The following BANK1 variants were observed in gnomAD, a reference collection of about 807,000 sequenced individuals.
BANK1 encodes the protein B-cell scaffold protein with ankyrin repeats.
BANK1 carries 95 observed loss-of-function variants against 94.5 expected under a neutral mutation model. The ratio of observed to expected loss-of-function variants is 1.00; its 90% CI spans 0.85 to 1.19. The LOEUF (loss-of-function observed/expected upper bound fraction) is 1.19. BANK1 is among the 50% of genes most tolerant of loss of function. BANK1 has a pLI of 0.00. For missense variants in BANK1, 987 were observed against 932.2 expected (o/e 1.06, Z -0.77); for synonymous variants, 334 against 308.4 (o/e 1.08, Z -0.87).
At position 101,814,373 on chromosome 4, in the gene BANK1, C is replaced by A. The variant is rs1725828557; in HGVS notation, c.71-15435C>A. 2.6e-5 allele frequency among the ~76,000 whole-genome samples: 4 copies of A among 152,244 alleles called. No individual in the cohort carries two copies. In the South Asian group the frequency reaches 8.3e-4, roughly 32 times the overall value. The stretch of plus-strand genomic sequence containing the variant: ...GATTATGCTTACTGTCTTTTTTCCA[C>A]CACTGCCACCATCTTGTGTTCTGGA... On this transcript the variant is annotated intron_variant, in intron 1 of 16. Coordinates refer to ENST00000322953, the MANE Select transcript of BANK1 (RefSeq NM_017935.5).
intron 4 of BANK1, 33 bp downstream of exon 4, chr4:101,862,697 C>T (rs769630187): frequency 1.3e-6 from 2 of 1,551,612 alleles, no homozygotes; most frequent in Non-Finnish European, 1.7e-6. Context: ...AAGCATAAAA[C>T]ATTATCCTGA....
intron 7 of BANK1, among the ~76,000 whole-genome samples, chr4:101,966,029 A>T (rs1724740804): frequency 6.6e-6 from 1 of 152,132 alleles, no homozygotes; most frequent in African/African-American, 2.4e-5. Context: ...CATTTGTTTT[A>T]TCAGAAGCCT....
chr4:102,034,164 A>G (rs1360043924), intron 10 of BANK1, among the ~76,000 whole-genome samples: 2 of 152,152 alleles, frequency 1.3e-5, no homozygotes, highest in Non-Finnish European at 2.9e-5. Context: ...GTATCAGTAT[A>G]TTGGTGTATT....
chr4:101,883,065 T>C (rs546556602), intron 5 of BANK1, among the ~76,000 whole-genome samples: 1 of 152,168 alleles, frequency 6.6e-6, no homozygotes, highest in Non-Finnish European at 1.5e-5. Flanking sequence ...TTAGAATGGG[T>C]CAATAAGAAT....
At chr4:102,004,681 A>G (rs1354176601) in intron 7 of BANK1, among the ~76,000 whole-genome samples, 1 of 152,128 alleles carries the variant, frequency 6.6e-6, no homozygotes, top group African/African-American at 2.4e-5. Context: ...GTAGCTCATA[A>G]TAGCATTTAT....
At chr4:101,959,990 G>A (rs986292981) in intron 7 of BANK1, among the ~76,000 whole-genome samples, 6 of 152,234 alleles carry the variant, frequency 3.9e-5, no homozygotes, top group Middle Eastern at 3.4e-3. Context: ...ACCCATTTAC[G>A]TTAGAACAAG....
chr4:101,863,393 A>G (rs1474735386), intron 4 of BANK1, among the ~76,000 whole-genome samples: 2 of 152,050 alleles, frequency 1.3e-5, no homozygotes, highest in Non-Finnish European at 2.9e-5. Context: ...ATCTTATTAA[A>G]CCTCATAAAT....
At chr4:101,956,627 G>T (rs1193819665) in intron 7 of BANK1, among the ~76,000 whole-genome samples, 2 of 152,070 alleles carry the variant, frequency 1.3e-5, no homozygotes, top group South Asian at 2.1e-4. Context: ...TAACAATGAA[G>T]CTTAAACTCT....
intron 11 of BANK1, among the ~76,000 whole-genome samples, chr4:102,051,885 T>C (rs1426003923): frequency 6.6e-6 from 1 of 152,104 alleles, no homozygotes; most frequent in African/African-American, 2.4e-5. Flanking sequence ...CTGTTAGAAA[T>C]TTATGCATGG....
intron 10 of BANK1, among the ~76,000 whole-genome samples, chr4:102,031,120 A>G (rs1305772733): frequency 3.9e-5 from 6 of 152,024 alleles, no homozygotes; most frequent in African/African-American, 9.7e-5. Context: ...TGACTTTTTA[A>G]TGGTTGCCAT....
intron 3 of BANK1, among the ~76,000 whole-genome samples, chr4:101,855,729 A>G (rs1049059664): frequency 6.6e-6 from 1 of 152,204 alleles, no homozygotes; most frequent in African/African-American, 2.4e-5. Flanking sequence ...AGAATTTTAA[A>G]ATACTTTATT....
At chr4:101,922,853 A>G (rs1578400432) in intron 7 of BANK1, among the ~76,000 whole-genome samples, 1 of 151,770 alleles carries the variant, frequency 6.6e-6, no homozygotes, top group Non-Finnish European at 1.5e-5. Context: ...ACTACTTGGG[A>G]ATCTCTTTCA....
intron 13 of BANK1, among the ~76,000 whole-genome samples, chr4:102,063,614 A>G (rs1578488311): frequency 6.6e-6 from 1 of 151,982 alleles, no homozygotes; most frequent in East Asian, 1.9e-4. Flanking sequence ...ACTTGAGGAT[A>G]GGAGTTCAAG....
intron 5 of BANK1, among the ~76,000 whole-genome samples, chr4:101,882,120 T>G (rs1728699362): frequency 6.6e-6 from 1 of 152,156 alleles, no homozygotes; most frequent in Non-Finnish European, 1.5e-5. Context: ...AGGGGATGGA[T>G]ACCCCATTTT....
At chr4:101,807,360 G>T (rs912209279) in intron 1 of BANK1, among the ~76,000 whole-genome samples, 1 of 152,090 alleles carries the variant, frequency 6.6e-6, no homozygotes, top group Non-Finnish European at 1.5e-5. Flanking sequence ...AAAATAAAAT[G>T]GTTGAAAAAA....
intron 5 of BANK1, among the ~76,000 whole-genome samples, chr4:101,875,561 G>C (rs948643857): frequency 6.6e-6 from 1 of 151,954 alleles, no homozygotes. Context: ...CACTATCATG[G>C]GAACAGCATG....
At chr4:102,057,221 G>GCTCT (rs374385213) in intron 11 of BANK1, among the ~76,000 whole-genome samples, 191 of 144,448 alleles carry the variant, frequency 1.3e-3, no homozygotes, top group Non-Finnish European at 1.2e-3. Flanking sequence ...ACTAGTTCTC[G>GCTCT]CTCTCTCTCT....
chr4:101,953,950 G>GT (rs1451599853), intron 7 of BANK1, among the ~76,000 whole-genome samples: 2 of 152,096 alleles, frequency 1.3e-5, no homozygotes, highest in Non-Finnish European at 2.9e-5. Flanking sequence ...ACAGAAATTT[G>GT]TTTTTTCATA....
chr4:101,983,121 T>G (rs1725375338), intron 7 of BANK1, among the ~76,000 whole-genome samples: 1 of 152,130 alleles, frequency 6.6e-6, no homozygotes, highest in Non-Finnish European at 1.5e-5. Context: ...TTTCTTCTTA[T>G]GCCTAATAAG....
Sources: allele counts gnomAD v4.1 joint callset (sites outside exome capture counted in the v4.1 genomes callset), GRCh38; gene constraint gnomAD v4.1.1; transcripts MANE v1.5; gene names NCBI Gene and HGNC (gene_info 2026-07-23, HGNC 2026-07-21).